The following TPCN2 variants were observed in gnomAD, a reference collection of about 807,000 sequenced individuals.
The protein encoded by TPCN2 is two pore channel protein 2.
A neutral mutation model predicts 111.4 loss-of-function variants in TPCN2; 92 were observed. The ratio of observed to expected loss-of-function variants is 0.83; its 90% CI spans 0.70 to 0.98. The LOEUF is 0.98. Among genes scored for constraint, TPCN2 ranks in the 50% least tolerant of loss-of-function variants. The probability of loss-of-function intolerance (pLI) is 0.00; values close to 1 mark genes in which losing one functional copy is unlikely to be tolerated. For missense variants in TPCN2, 995 were observed against 980.1 expected (o/e 1.02, Z -0.20); for synonymous variants, 405 against 414.5 (o/e 0.98, Z 0.28).
At chr11:69,063,819 C>A in intron 6 of TPCN2, 76 bp from the exon 7 acceptor site, 1 of 1,446,752 alleles carries the variant, frequency 6.9e-7, no homozygotes. Context: ...GCTCCTGTCA[C>A]CGAGCCCTGC....
intron 22 of TPCN2, 66 bp from the exon 23 acceptor site, chr11:69,086,457 G>C: frequency 2.2e-6 from 3 of 1,335,886 alleles, no homozygotes; most frequent in Admixed American, 1.7e-5. Flanking sequence ...CGCAGCAGTG[G>C]TGTTTGTATC....
In TPCN2 at chr11:69,085,993, G is replaced by A. The variant is rs575496339; in HGVS notation, c.2003+63G>A. The A allele has an allele frequency of 2.9e-4, 428 of 1,491,040 alleles. 1 individual carries two copies. The African/African-American group carries it at 5.4e-3, about 19-fold the overall frequency. 92.4% of individuals were successfully genotyped at this position (1,491,040 alleles called of 1,614,324 possible). On this transcript the variant is annotated intron_variant, in intron 22 of 24. Coordinates refer to ENST00000294309, the MANE Select transcript of TPCN2 (RefSeq NM_139075.4). ...GCAGCCTGGGGGTTCCCTCACCTCCGGGCACGCTGCATCTGCACTGGACGC... is the reference window on the plus strand; with the variant it reads ...GCAGCCTGGGGGTTCCCTCACCTCCAGGCACGCTGCATCTGCACTGGACGC...
intron 17 of TPCN2, among the ~76,000 whole-genome samples, 173 bp from the exon 18 acceptor site, chr11:69,081,227 C>T (rs1039260193): frequency 7.2e-5 from 11 of 152,084 alleles, no homozygotes; most frequent in Admixed American, 4.6e-4. Flanking sequence ...GCCCAGGCCC[C>T]GCCCTCTCGC....
chr11:69,051,630 A>G (rs58943265), intron 1 of TPCN2, among the ~76,000 whole-genome samples: 1 of 152,356 alleles, frequency 6.6e-6, no homozygotes, highest in East Asian at 1.9e-4. Context: ...CGGATGCAGC[A>G]TCTCAGCCCC....
chr11:69,079,985 G>T, intron 17 of TPCN2, 102 bp downstream of exon 17: 2 of 1,099,716 alleles, frequency 1.8e-6, no homozygotes, highest in African/African-American at 1.6e-5. Flanking sequence ...GGTCTGCTCT[G>T]ACTCTAGGGC....
intron 24 of TPCN2, among the ~76,000 whole-genome samples, chr11:69,087,572 C>T (rs1415174854): frequency 1.3e-5 from 2 of 152,190 alleles, no homozygotes; most frequent in Admixed American, 6.5e-5. Context: ...GAAAAGTGAC[C>T]ACCCAGAGGC....
chr11:69,089,917 T>G lies in TPCN2; in HGVS notation c.*1964T>G, dbSNP rs1470925667. On this transcript the variant is annotated 3_prime_UTR_variant, in exon 25 of 25. Transcript: ENST00000294309. ...GGAGCCCCTTCTTCTGCCTTTTGTG[T>G]TTTTTTTGTTATGTACCTACAGTTC... The G allele has an allele frequency of 4.0e-5, 2 of 50,074 alleles. No individual in the cohort carries two copies. Among genetic ancestry groups the G allele is most frequent in the Middle Eastern group, 0.01 (1 of 100 alleles). The allele number at this position is 50,074 out of a possible 1,614,324, so 3.1% of individuals were successfully genotyped here.
intron 1 of TPCN2, among the ~76,000 whole-genome samples, chr11:69,049,912 G>A (rs1861145155): frequency 6.6e-6 from 1 of 152,232 alleles, no homozygotes; most frequent in Admixed American, 6.5e-5. Context: ...GGCCCAGAGA[G>A]GCCCTGAGAC....
chr11:69,051,400 A>C (rs1861220622), intron 1 of TPCN2, among the ~76,000 whole-genome samples: 1 of 152,250 alleles, frequency 6.6e-6, no homozygotes, highest in Admixed American at 6.5e-5. Flanking sequence ...TGGCTATAGT[A>C]AGTCATTCAG....
chr11:69,069,081 CA>C (rs1855395363), intron 8 of TPCN2, among the ~76,000 whole-genome samples: 1 of 113,952 alleles, frequency 8.8e-6, no homozygotes. Flanking sequence ...GAAGTGACCA[CA>C]GGGGGAGCAG....
rs756184260 is a variant in TPCN2 at position 69,062,824 on chromosome 11, G to T, written c.547-60G>T. The T allele has an allele frequency of 4.7e-4, 714 of 1,523,836 alleles. 3 individuals carry two copies. The highest frequency in any genetic ancestry group is 2.1e-3 in the Admixed American group (124 of 59,624). The allele number at this position is 1,523,836 out of a possible 1,614,324, so 94.4% of individuals were successfully genotyped here. ...CTGAACCGTGTGCCCATCTGGGATG[G>T]TCGGTGAGGGGTAGAACTAAGCACT... On this transcript the variant is annotated intron_variant, in intron 5 of 24. Transcript: ENST00000294309.
chr11:69,083,665 G>A (rs750616237), intron 18 of TPCN2, among the ~76,000 whole-genome samples: 1 of 152,210 alleles, frequency 6.6e-6, no homozygotes, highest in Non-Finnish European at 1.5e-5. Context: ...GTGGGTGAGT[G>A]AGTGCGTGCG....
chr11:69,071,874 T>G, intron 10 of TPCN2, 49 bp from the exon 11 acceptor site: 112 of 1,561,284 alleles, frequency 7.2e-5, no homozygotes, highest in Non-Finnish European at 9.4e-5. Context: ...TCGGGGGTTC[T>G]GAGCTGGGGG....
intron 18 of TPCN2, among the ~76,000 whole-genome samples, chr11:69,082,125 G>T (rs1187605388): frequency 6.6e-6 from 1 of 152,168 alleles, no homozygotes; most frequent in Admixed American, 6.5e-5. Flanking sequence ...TGTCCCACCT[G>T]ACAGTATGTC....
chr11:69,064,051 C>T lies in TPCN2; in HGVS notation c.726+84C>T, dbSNP rs757716114. On this transcript the variant is annotated intron_variant, in intron 7 of 24. Transcript: ENST00000294309. ...GGGGGCTGGGCTGGTGTCTGCTGCC[C>T]TGGCCTAACCCATGTGCGGACTCTG... 1.5e-5 allele frequency: 20 copies of T among 1,344,148 alleles called. No individual in the cohort carries two copies. The Admixed American group carries it at 2.9e-4, about 20-fold the overall frequency. 83.3% of individuals were successfully genotyped at this position (1,344,148 alleles called of 1,614,324 possible). A position where few individuals can be genotyped will look rare whatever the true frequency, so the allele number is the denominator to read the frequency against.
chr11:69,057,441 C>T lies in TPCN2; in HGVS notation c.430-137C>T, dbSNP rs115976955. 1,220 of 794,076 alleles carry T rather than the reference C, an allele frequency of 1.5e-3. 11 individuals are homozygous for T. In the African/African-American group the frequency reaches 0.018, roughly 12 times the overall value. 49.2% of individuals were successfully genotyped at this position (794,076 alleles called of 1,614,324 possible). A position where few individuals can be genotyped will look rare whatever the true frequency, so the allele number is the denominator to read the frequency against. ...CTCGGGCCTCCTGACTGCTGCTCTG[C>T]GTCCCGTGGGGACCACACTGTTGTG... On this transcript the variant is annotated intron_variant, in intron 4 of 24. Transcript: ENST00000294309.
chr11:69,069,249 A>G (rs1256200185), intron 8 of TPCN2, among the ~76,000 whole-genome samples: 3 of 106,540 alleles, frequency 2.8e-5, no homozygotes, highest in African/African-American at 3.6e-5. Flanking sequence ...TGGGAGCAGG[A>G]CCGTCTGAGT....
At chr11:69,057,219 G>A (rs556882985) in intron 4 of TPCN2, among the ~76,000 whole-genome samples, 10 of 152,244 alleles carry the variant, frequency 6.6e-5, no homozygotes, top group Middle Eastern at 3.2e-3. Flanking sequence ...TTGCTGTGGC[G>A]GCGGAGACCT....
intron 23 of TPCN2, 62 bp downstream of exon 23, chr11:69,086,666 G>A (rs1212680678): frequency 6.6e-7 from 1 of 1,523,026 alleles, no homozygotes; most frequent in Non-Finnish European, 9.1e-7. Flanking sequence ...CACTCTCGAT[G>A]GGCCTGAGGC....
Sources: allele counts gnomAD v4.1 joint callset (sites outside exome capture counted in the v4.1 genomes callset), GRCh38; gene constraint gnomAD v4.1.1; transcripts MANE v1.5; gene names NCBI Gene and HGNC (gene_info 2026-07-23, HGNC 2026-07-21).